Variants in MAN1C1 observed in about 807,000 individuals in gnomAD.
The protein encoded by MAN1C1 is mannosidase alpha class 1C member 1.
Under a neutral mutation model 71.5 loss-of-function variants are expected in MAN1C1, and 49 were observed. The observed-to-expected ratio is 0.69, with a 90% CI of 0.54 to 0.87. MAN1C1 has a LOEUF of 0.87. Among genes scored for constraint, MAN1C1 ranks in the 40% least tolerant of loss-of-function variants. The probability of loss-of-function intolerance (pLI) is 0.00; values close to 1 mark genes in which losing one functional copy is unlikely to be tolerated. For missense variants in MAN1C1, 743 were observed against 835.0 expected (o/e 0.89, Z 1.36); for synonymous variants, 352 against 343.7 (o/e 1.02, Z -0.27).
intron 1 of MAN1C1, among the ~76,000 whole-genome samples, chr1:25,665,477 G>A (rs115723710): frequency 8.5e-5 from 13 of 152,188 alleles, no homozygotes; most frequent in Non-Finnish European, 8.8e-5. Context: ...GTAGCAAGAC[G>A]GAAAAACGCT....
chr1:25,666,001 G>C (rs2045918727), intron 1 of MAN1C1, among the ~76,000 whole-genome samples: 1 of 151,512 alleles, frequency 6.6e-6, no homozygotes, highest in African/African-American at 2.4e-5. Context: ...CATTGTTCAT[G>C]CTAAACTCTT....
rs2046824487 is a variant in MAN1C1 at position 25,725,883 on chromosome 1, T to G, written c.638-20785T>G. Among the ~76,000 whole-genome samples, 1 of 152,166 alleles carries G rather than the reference T, an allele frequency of 6.6e-6. No homozygotes were observed. Among genetic ancestry groups the G allele is most frequent in the African/African-American group, 2.4e-5 (1 of 41,438 alleles). On this transcript the variant is annotated intron_variant, in intron 2 of 11. Coordinates refer to ENST00000374332, the MANE Select transcript of MAN1C1 (RefSeq NM_020379.4). The surrounding 1 kb of genome is among the most constrained non-coding windows in gnomAD (Gnocchi z 4.8). ...ATGAGAGGGTGCTCGGGGCAGAAGG[T>G]CCATCCTGGGCTGAGGCTCAGCGGT...
chr1:25,734,812 G>A (rs976580064), intron 2 of MAN1C1, among the ~76,000 whole-genome samples: 5 of 152,206 alleles, frequency 3.3e-5, no homozygotes, highest in African/African-American at 1.2e-4. Flanking sequence ...CTCCCTGCCT[G>A]GAATGGACTT....
rs895792542 is a variant in MAN1C1, at chr1:25,774,869, C to T, written c.1257+3097C>T. On this transcript the variant is annotated intron_variant, in intron 8 of 11. Transcript: ENST00000374332. ...TTGTGCCCCACTTAGCTCCTTGCAC[C>T]GCTGCTTGCTGTGATTTAAACCTTT... is the stretch of plus-strand genomic sequence containing the variant. Among the ~76,000 whole-genome samples the T allele has an allele frequency of 1.2e-4, 18 of 151,810 alleles. 1 individual carries two copies. The highest frequency in any genetic ancestry group is 3.6e-4 in the African/African-American group (15 of 41,414).
intron 2 of MAN1C1, among the ~76,000 whole-genome samples, chr1:25,745,302 ATTTG>A (rs981851008): frequency 1.3e-5 from 2 of 150,170 alleles, no homozygotes; most frequent in African/African-American, 4.9e-5. Flanking sequence ...TACTTTGTGT[ATTTG>A]TTTGGTTTCT....
chr1:25,648,597 A>G (rs1032725337), intron 1 of MAN1C1, among the ~76,000 whole-genome samples: 3 of 152,092 alleles, frequency 2.0e-5, no homozygotes, highest in African/African-American at 7.2e-5. Flanking sequence ...CCTGCCCTTT[A>G]CTGGGCAGCA....
intron 2 of MAN1C1, among the ~76,000 whole-genome samples, chr1:25,705,012 G>C (rs1484713128): frequency 6.6e-6 from 1 of 152,258 alleles, no homozygotes; most frequent in Non-Finnish European, 1.5e-5. Context: ...CTCAGTTGGA[G>C]AGTGATAAAG....
At chr1:25,773,387 C>T (rs892324404) in intron 8 of MAN1C1, among the ~76,000 whole-genome samples, 5 of 152,226 alleles carry the variant, frequency 3.3e-5, no homozygotes, top group African/African-American at 1.2e-4. Flanking sequence ...TTGAAACGGA[C>T]TGCTAGAGCC....
chr1:25,619,217 T>G (rs1212907902), intron 1 of MAN1C1, among the ~76,000 whole-genome samples: 4 of 152,234 alleles, frequency 2.6e-5, no homozygotes, highest in African/African-American at 9.6e-5. Context: ...TGCCCAGCAA[T>G]GCAGAGGGGG....
At chr1:25,719,477 T>G (rs1029644504) in intron 2 of MAN1C1, among the ~76,000 whole-genome samples, 6 of 151,868 alleles carry the variant, frequency 4.0e-5, no homozygotes, top group Non-Finnish European at 8.8e-5. Context: ...CAGGCTGGAG[T>G]GCAGTAGCAT....
chr1:25,652,273 GTGCAGGACAGCTGC>G (rs1413267897), intron 1 of MAN1C1, among the ~76,000 whole-genome samples: 1 of 152,230 alleles, frequency 6.6e-6, no homozygotes, highest in Admixed American at 6.5e-5. Context: ...AGGGACTCCT[GTGCAGGACAGCTGC>G]TGCCTTCTTG....
chr1:25,655,007 C>T (rs752942626), intron 1 of MAN1C1, among the ~76,000 whole-genome samples: 1 of 152,212 alleles, frequency 6.6e-6, no homozygotes, highest in Non-Finnish European at 1.5e-5. Context: ...ATGCTGTCCT[C>T]TGATAATTGA....
chr1:25,771,840 AGG>A, intron 8 of MAN1C1, 68 bp downstream of exon 8: 6 of 1,312,926 alleles, frequency 4.6e-6, no homozygotes, highest in Middle Eastern at 1.9e-4. Context: ...CGGCCGAGCG[AGG>A]GTGCTGCGGG....
chr1:25,668,496 C>T (rs191180291), intron 1 of MAN1C1, among the ~76,000 whole-genome samples: 38 of 152,004 alleles, frequency 2.5e-4, no homozygotes, highest in Admixed American at 2.2e-3. Context: ...GAACGGTTAA[C>T]ATGCAGAGAT....
intron 2 of MAN1C1, among the ~76,000 whole-genome samples, chr1:25,694,623 G>A (rs764673279): frequency 5.9e-5 from 9 of 152,304 alleles, no homozygotes; most frequent in Non-Finnish European, 7.4e-5. Flanking sequence ...GCTTTTTGGC[G>A]TGTGACTTAG....
rs953431042 is a variant in MAN1C1 at position 25,769,838 on chromosome 1, C to G, written c.1142-1819C>G. On this transcript the variant is annotated intron_variant, in intron 7 of 11. Transcript: ENST00000374332. This position sits in a 1 kb window ranked among gnomAD's most constrained non-coding sequence, Gnocchi z 4.8. ...GCACCCGATGGCAAGGGGGGCCCACCACCCAAGGGGAGTGCTGCCGCCGAG... is the reference window on the plus strand; with the variant it reads ...GCACCCGATGGCAAGGGGGGCCCACGACCCAAGGGGAGTGCTGCCGCCGAG... Among the ~76,000 whole-genome samples the G allele has an allele frequency of 2.0e-5, 3 of 152,234 alleles. No individual in the cohort carries two copies. The highest frequency in any genetic ancestry group is 4.4e-5 in the Non-Finnish European group (3 of 68,034).
chr1:25,694,798 G>C (rs974899601), intron 2 of MAN1C1, among the ~76,000 whole-genome samples: 2 of 152,186 alleles, frequency 1.3e-5, no homozygotes, highest in African/African-American at 2.4e-5. Context: ...TCCCTAGTAC[G>C]TGGATCTCCA....
chr1:25,675,593 G>A (rs993735558), intron 1 of MAN1C1, among the ~76,000 whole-genome samples: 1 of 143,172 alleles, frequency 7.0e-6, no homozygotes, highest in African/African-American at 2.6e-5. Flanking sequence ...GCGGGGGGGG[G>A]GGGAGGTGGT....
chr1:25,686,434 T>C lies in MAN1C1; in HGVS notation c.541-6T>C. 6.2e-7 allele frequency: 1 copy of C among 1,613,852 alleles called. No individual in the cohort carries two copies. The highest frequency in any genetic ancestry group is 8.5e-7 in the Non-Finnish European group (1 of 1,179,726). ...GAGGTTCTCTCTATGCTGCTTTTTC[T>C]TGCAGATGATGCAGTTTGCTTGGCA... On this transcript the variant is annotated splice_region_variant and splice_polypyrimidine_tract_variant and intron_variant, in intron 1 of 11. Coordinates refer to ENST00000374332, the MANE Select transcript of MAN1C1 (RefSeq NM_020379.4).
Sources: allele counts gnomAD v4.1 joint callset (sites outside exome capture counted in the v4.1 genomes callset), GRCh38; gene constraint gnomAD v4.1.1; non-coding constraint Gnocchi (gnomAD v3.1); transcripts MANE v1.5; gene names NCBI Gene and HGNC (gene_info 2026-07-23, HGNC 2026-07-21).